Variants in RIMS2 observed in about 807,000 individuals in gnomAD.
RIMS2 encodes the protein regulating synaptic membrane exocytosis protein 2.
A neutral mutation model predicts 174.4 loss-of-function variants in RIMS2; 59 were observed. The observed-to-expected ratio is 0.34, with a 90% CI of 0.27 to 0.42. The LOEUF (loss-of-function observed/expected upper bound fraction) is 0.42. Ranked by LOEUF, RIMS2 falls within the 10% of genes least tolerant of loss-of-function variation. The probability of loss-of-function intolerance (pLI) is 1.00; values close to 1 mark genes in which losing one functional copy is unlikely to be tolerated. For missense variants in RIMS2, 1,620 were observed against 1,666.3 expected, an observed-to-expected ratio of 0.97 and a Z score of 0.48; for synonymous variants, 606 against 572.5, an observed-to-expected ratio of 1.06 and a Z score of -0.84.
intron 1 of RIMS2, among the ~76,000 whole-genome samples, chr8:103,673,853 A>C (rs1022285674): frequency 2.0e-5 from 3 of 152,246 alleles, no homozygotes; most frequent in African/African-American, 7.2e-5. Context: ...GCCAGACTGC[A>C]GATTTTCCAA....
chr8:103,752,590 G>T (rs191580747), intron 2 of RIMS2, among the ~76,000 whole-genome samples: 52 of 152,264 alleles, frequency 3.4e-4, no homozygotes, highest in African/African-American at 1.2e-3. Flanking sequence ...CCATTTGTTT[G>T]TATCCTCTTT....
chr8:104,095,091 T>C (rs2097733829), intron 19 of RIMS2, among the ~76,000 whole-genome samples: 1 of 152,142 alleles, frequency 6.6e-6, no homozygotes, highest in Admixed American at 6.5e-5. Context: ...TTTACCAATA[T>C]TGAAAACTGC....
intron 3 of RIMS2, among the ~76,000 whole-genome samples, chr8:103,860,647 C>T (rs141573998): frequency 9.0e-4 from 137 of 151,788 alleles, no homozygotes; most frequent in African/African-American, 3.2e-3. Context: ...TGAAAGAGTG[C>T]ATACACTAGG....
chr8:103,678,010 C>T (rs2096836425), intron 1 of RIMS2, among the ~76,000 whole-genome samples: 1 of 152,166 alleles, frequency 6.6e-6, no homozygotes, highest in Non-Finnish European at 1.5e-5. Flanking sequence ...ATTTAGGTTA[C>T]AGTTCACTAT....
intron 19 of RIMS2, among the ~76,000 whole-genome samples, chr8:104,158,019 C>T (rs1014733531): frequency 2.0e-5 from 3 of 152,130 alleles, no homozygotes; most frequent in Non-Finnish European, 4.4e-5. Flanking sequence ...CCCATCAACT[C>T]GTCATTTACG....
At chr8:104,050,305 A>T (rs2096764707) in intron 19 of RIMS2, among the ~76,000 whole-genome samples, 1 of 152,144 alleles carries the variant, frequency 6.6e-6, no homozygotes, top group African/African-American at 2.4e-5. Flanking sequence ...GACATACAAG[A>T]TCTCCCCTCA....
chr8:103,684,538 TTTTTTATTTTATTTTA>T (rs895295223), intron 1 of RIMS2, among the ~76,000 whole-genome samples: 3 of 149,056 alleles, frequency 2.0e-5, no homozygotes, highest in African/African-American at 7.4e-5. Flanking sequence ...GGTTCATACT[TTTTTTATTTTATTTTA>T]TTTTATTTTA....
At chr8:103,835,096 T>C (rs1281825432) in intron 3 of RIMS2, among the ~76,000 whole-genome samples, 3 of 146,486 alleles carry the variant, frequency 2.0e-5, no homozygotes, top group East Asian at 4.0e-4. Context: ...TTTTTTTCTT[T>C]TCTTTTCTTT....
intron 19 of RIMS2, among the ~76,000 whole-genome samples, chr8:104,096,140 A>G (rs2048873056): frequency 2.6e-5 from 4 of 152,018 alleles, no homozygotes; most frequent in African/African-American, 9.7e-5. Flanking sequence ...TCACAGAGAA[A>G]AGCTTTCCAA....
rs181856732 is a variant in RIMS2, at chr8:104,016,566, C to T, written c.3334+1951C>T. Among the ~76,000 whole-genome samples the T allele has an allele frequency of 3.3e-3, 505 of 151,970 alleles. 1 individual carries two copies. Among genetic ancestry groups the T allele is most frequent in the Non-Finnish European group, 5.8e-3 (392 of 67,860 alleles). ...AAGACTTCACAGCATTTTTATAGTT[C>T]TTAATTATTTGCTTAAAATTGGGGG... On this transcript the variant is annotated intron_variant, in intron 19 of 23. Coordinates refer to ENST00000504942, the Ensembl canonical transcript of RIMS2.
intron 1 of RIMS2, among the ~76,000 whole-genome samples, chr8:103,569,773 C>T (rs1288915641): frequency 6.7e-6 from 1 of 150,082 alleles, no homozygotes; most frequent in East Asian, 1.9e-4. Context: ...TGTGCTACTG[C>T]CCCTGGCTAA....
At chr8:103,579,774 G>A (rs1033456326) in intron 1 of RIMS2, among the ~76,000 whole-genome samples, 1 of 152,172 alleles carries the variant, frequency 6.6e-6, no homozygotes, top group Non-Finnish European at 1.5e-5. Flanking sequence ...CTGAGACTGG[G>A]TAATTTATGA....
At chr8:104,135,265 A>G (rs1261537342) in intron 19 of RIMS2, among the ~76,000 whole-genome samples, 1 of 152,110 alleles carries the variant, frequency 6.6e-6, no homozygotes, top group Non-Finnish European at 1.5e-5. Flanking sequence ...ATAGTGAACT[A>G]TAGTGGAGCA....
At chr8:103,608,647 C>T (rs995876045) in intron 1 of RIMS2, among the ~76,000 whole-genome samples, 4 of 151,406 alleles carry the variant, frequency 2.6e-5, no homozygotes, top group Admixed American at 1.3e-4. Flanking sequence ...AGCGAGACTC[C>T]GTGGGCGTAG....
At chr8:103,914,635 G>A (rs954496687) in intron 6 of RIMS2, among the ~76,000 whole-genome samples, 17 of 152,108 alleles carry the variant, frequency 1.1e-4, no homozygotes, top group African/African-American at 4.1e-4. Flanking sequence ...CTATGTGCAA[G>A]TCACTGTAAT....
intron 1 of RIMS2, among the ~76,000 whole-genome samples, chr8:103,580,457 G>A (rs992933343): frequency 1.2e-4 from 18 of 151,908 alleles, no homozygotes; most frequent in African/African-American, 4.1e-4. Context: ...GTGTGTGTGT[G>A]TGTGTGTGTG....
chr8:104,216,964 A>G (rs1277696692), intron 19 of RIMS2, among the ~76,000 whole-genome samples: 3 of 152,260 alleles, frequency 2.0e-5, no homozygotes, highest in Non-Finnish European at 2.9e-5. Context: ...GAGACAATGC[A>G]TGTGAAGAAC....
chr8:103,988,584 C>T (rs562102923), intron 16 of RIMS2, among the ~76,000 whole-genome samples: 7 of 152,128 alleles, frequency 4.6e-5, no homozygotes, highest in Non-Finnish European at 8.8e-5. Context: ...CTTGGCCACC[C>T]GAGTAGCTGG....
intron 1 of RIMS2, among the ~76,000 whole-genome samples, chr8:103,566,877 TC>T (rs1305929598): frequency 8.5e-5 from 13 of 152,216 alleles, no homozygotes; most frequent in Non-Finnish European, 1.6e-4. Flanking sequence ...AATGTTGAGT[TC>T]AATGCTTTCT....
Sources: gnomAD v4.1 joint callset for allele counts (sites outside exome capture counted in the v4.1 genomes callset) on GRCh38, gnomAD v4.1.1 for gene constraint, MANE v1.5 for transcripts, NCBI Gene and HGNC (gene_info 2026-07-23, HGNC 2026-07-21) for gene names.